The following PRKAR2B variants were observed in gnomAD, a reference collection of about 807,000 sequenced individuals.
PRKAR2B encodes cAMP-dependent protein kinase type II-beta regulatory subunit.
In PRKAR2B, 14 loss-of-function variants were observed where a neutral mutation model predicts 49.9. The observed-to-expected ratio is 0.28, with a 90% CI of 0.19 to 0.44. The LOEUF is 0.44. Ranked by LOEUF, PRKAR2B falls within the 20% of genes least tolerant of loss-of-function variation. The pLI, the probability that PRKAR2B is intolerant of heterozygous loss-of-function variation, is 1.00. For missense variants in PRKAR2B, 393 were observed against 537.9 expected (o/e 0.73, Z 2.67); for synonymous variants, 196 against 197.7 (o/e 0.99, Z 0.07).
At chr7:107,087,889 T>A (rs1584420844) in intron 2 of PRKAR2B, among the ~76,000 whole-genome samples, 1 of 152,270 alleles carries the variant, frequency 6.6e-6, no homozygotes, top group East Asian at 1.9e-4. Context: ...TGATAAAGTT[T>A]ATACATTTTA....
chr7:107,054,463 C>T (rs1793872611), intron 1 of PRKAR2B, among the ~76,000 whole-genome samples: 1 of 152,196 alleles, frequency 6.6e-6, no homozygotes, highest in African/African-American at 2.4e-5. Flanking sequence ...TGAATTCTCA[C>T]TCCCCTCTCC....
At chr7:107,108,545 A>G (rs1795118323) in intron 2 of PRKAR2B, among the ~76,000 whole-genome samples, 1 of 152,154 alleles carries the variant, frequency 6.6e-6, no homozygotes, top group African/African-American at 2.4e-5. Flanking sequence ...AAAAAGATCA[A>G]TGTCAAGGGG....
chr7:107,115,215 A>G (rs189733089), intron 2 of PRKAR2B, among the ~76,000 whole-genome samples: 19 of 152,272 alleles, frequency 1.2e-4, no homozygotes, highest in Admixed American at 1.0e-3. Context: ...GGAGAGGCAG[A>G]ACATCCTAGA....
intron 2 of PRKAR2B, among the ~76,000 whole-genome samples, chr7:107,092,759 G>A (rs1243152880): frequency 6.6e-6 from 1 of 152,102 alleles, no homozygotes; most frequent in Non-Finnish European, 1.5e-5. Flanking sequence ...ATTCTTAGGT[G>A]TATGGTTCTG....
intron 2 of PRKAR2B, among the ~76,000 whole-genome samples, chr7:107,087,117 C>T (rs1412534522): frequency 6.6e-6 from 1 of 151,986 alleles, no homozygotes; most frequent in Non-Finnish European, 1.5e-5. Flanking sequence ...ATTATTTTGA[C>T]AGTCTAAGTC....
intron 2 of PRKAR2B, among the ~76,000 whole-genome samples, chr7:107,119,959 A>G (rs1393552564): frequency 6.6e-6 from 1 of 152,164 alleles, no homozygotes; most frequent in Non-Finnish European, 1.5e-5. Context: ...CATGTGTAGA[A>G]TAGTGGTTAA....
At chr7:107,106,880 T>G (rs1266089327) in intron 2 of PRKAR2B, among the ~76,000 whole-genome samples, 1 of 151,988 alleles carries the variant, frequency 6.6e-6, no homozygotes, top group African/African-American at 2.4e-5. Context: ...CTGGTGTGGC[T>G]TCTTGGTGCC....
At chr7:107,049,346 G>A (rs1431055966) in intron 1 of PRKAR2B, among the ~76,000 whole-genome samples, 1 of 152,176 alleles carries the variant, frequency 6.6e-6, no homozygotes, top group Non-Finnish European at 1.5e-5. Context: ...AGAAGAAAAA[G>A]ATCTAGAGTT....
In PRKAR2B at chr7:107,134,034, T is replaced by C. The variant is rs955007748; in HGVS notation, c.480+5739T>C. ...ACTGTTATGCCCTGTTTTTTTTTGT[T>C]GTTGTTGTTGTTTTTTGAGAGTCTC... is the stretch of plus-strand genomic sequence containing the variant. On this transcript the variant is annotated intron_variant, in intron 4 of 10. Coordinates refer to ENST00000265717, the MANE Select transcript of PRKAR2B (RefSeq NM_002736.3). Among the ~76,000 whole-genome samples the C allele has an allele frequency of 6.6e-5, 10 of 152,186 alleles. No individual in the cohort carries two copies. The South Asian group carries it at 1.9e-3, about 28-fold the overall frequency.
At chr7:107,079,282 A>C (rs576182444) in intron 2 of PRKAR2B, among the ~76,000 whole-genome samples, 2 of 152,146 alleles carry the variant, frequency 1.3e-5, no homozygotes, top group Non-Finnish European at 2.9e-5. Context: ...TCAAATTGCT[A>C]TAATTGTATC....
At chr7:107,147,612 G>T (rs564502377) in intron 6 of PRKAR2B, among the ~76,000 whole-genome samples, 3 of 152,348 alleles carry the variant, frequency 2.0e-5, no homozygotes, top group African/African-American at 7.2e-5. Flanking sequence ...TGGTTCTGGG[G>T]TGAGGCCCGT....
At chr7:107,096,868 T>C (rs1199377842) in intron 2 of PRKAR2B, among the ~76,000 whole-genome samples, 1 of 152,244 alleles carries the variant, frequency 6.6e-6, no homozygotes, top group Non-Finnish European at 1.5e-5. Context: ...CACTGTGGTC[T>C]GAGAGACAGT....
chr7:107,105,066 A>G (rs1020333329), intron 2 of PRKAR2B, among the ~76,000 whole-genome samples: 23 of 152,186 alleles, frequency 1.5e-4, no homozygotes, highest in Non-Finnish European at 2.6e-4. Flanking sequence ...CTTTACTGTC[A>G]TGGGTTGTGG....
chr7:107,055,005 TC>T (rs1161628151), intron 1 of PRKAR2B, among the ~76,000 whole-genome samples: 1 of 152,040 alleles, frequency 6.6e-6, no homozygotes, highest in Non-Finnish European at 1.5e-5. Flanking sequence ...ATGTTCCCCT[TC>T]CTGTGTCCAT....
intron 1 of PRKAR2B, among the ~76,000 whole-genome samples, chr7:107,055,029 T>C (rs1490625466): frequency 2.6e-5 from 4 of 152,148 alleles, no homozygotes; most frequent in African/African-American, 9.7e-5. Context: ...GTTCTCATTG[T>C]TCATTTCCCA....
At position 107,160,591 on chromosome 7, in the gene PRKAR2B, A is replaced by G. The variant is rs1458078606; in HGVS notation, c.*1009A>G. 2 of 152,098 alleles carry G rather than the reference A, an allele frequency of 1.3e-5. No homozygotes were observed. The highest frequency in any genetic ancestry group is 6.5e-5 in the Admixed American group (1 of 15,282). The allele number at this position is 152,098 out of a possible 1,614,324, so 9.4% of individuals were successfully genotyped here. A position where few individuals can be genotyped will look rare whatever the true frequency, so the allele number is the denominator to read the frequency against. On this transcript the variant is annotated 3_prime_UTR_variant, in exon 11 of 11. Transcript: ENST00000265717. ...CCTTGGGTTTCCGTTCTTTCTTAGG[A>G]TGGTTGCCAACCCACAATCTCATTG...
At position 107,051,364 on chromosome 7, in the gene PRKAR2B, A is replaced by G. The variant is rs749499714; in HGVS notation, c.307+6150A>G. On this transcript the variant is annotated intron_variant, in intron 1 of 10. Transcript: ENST00000265717. Reference sequence around the variant, plus strand: ...CCTATCACTTGCTTAAGAAGAGACAATGGAAAAGAAACAAGAATGCAGTGA... The same window carrying G: ...CCTATCACTTGCTTAAGAAGAGACAGTGGAAAAGAAACAAGAATGCAGTGA... 2.6e-5 allele frequency among the ~76,000 whole-genome samples: 4 copies of G among 152,228 alleles called. No homozygotes were observed. In the East Asian group the frequency reaches 7.7e-4, roughly 29 times the overall value.
chr7:107,133,005 A>G (rs772064736), intron 4 of PRKAR2B, among the ~76,000 whole-genome samples: 3 of 152,224 alleles, frequency 2.0e-5, no homozygotes, highest in Non-Finnish European at 4.4e-5. Context: ...TTCTTAGGCT[A>G]TATGATAGGC....
At chr7:107,156,103 CAG>C (rs535257508) in intron 8 of PRKAR2B, among the ~76,000 whole-genome samples, 112 of 152,098 alleles carry the variant, frequency 7.4e-4, no homozygotes, top group African/African-American at 2.5e-3. Context: ...CGGGGCCTGT[CAG>C]GGGGTGGGGA....
Sources: gnomAD v4.1 joint callset for allele counts (sites outside exome capture counted in the v4.1 genomes callset) on GRCh38, gnomAD v4.1.1 for gene constraint, MANE v1.5 for transcripts, NCBI Gene and HGNC (gene_info 2026-07-23, HGNC 2026-07-21) for gene names.